Variants in CEBPZ observed in about 807,000 individuals in gnomAD.
CEBPZ encodes the protein CCAAT/enhancer-binding protein zeta.
A neutral mutation model predicts 104.5 loss-of-function variants in CEBPZ; 78 were observed. That is an observed-to-expected ratio of 0.75 (90% CI 0.62 to 0.90). The LOEUF (loss-of-function observed/expected upper bound fraction) is 0.90. CEBPZ is among the 40% of genes least tolerant of loss of function. CEBPZ has a pLI of 0.00. For synonymous variants in CEBPZ, 470 were observed against 427.0 expected (o/e 1.10, Z -1.24); for missense variants, 1,439 against 1,233.5 (o/e 1.17, Z -2.50).
intron 2 of CEBPZ, among the ~76,000 whole-genome samples, chr2:37,226,986 C>T (rs1483295233): frequency 6.6e-6 from 1 of 152,182 alleles, no homozygotes; most frequent in African/African-American, 2.4e-5. Context: ...CACCGCTCCC[C>T]TCTCTGCCAC....
intron 2 of CEBPZ, among the ~76,000 whole-genome samples, chr2:37,226,302 T>A (rs565336925): frequency 6.6e-6 from 1 of 152,354 alleles, no homozygotes; most frequent in South Asian, 2.1e-4. Context: ...ACTGGAGAGC[T>A]GTTAAGAGGA....
intron 15 of CEBPZ, 167 bp from the exon 16 acceptor site, chr2:37,202,070 T>C (rs949649840): frequency 3.5e-5 from 16 of 457,922 alleles, no homozygotes; most frequent in African/African-American, 3.0e-4. Flanking sequence ...TCATATTTAT[T>C]GTCAAAGATA....
chr2:37,212,154 A>G lies in CEBPZ; in HGVS notation c.2604-115T>C, dbSNP rs367558037. The G allele has an allele frequency of 3.5e-5, 36 of 1,032,108 alleles. No homozygotes were observed. In the East Asian group the frequency reaches 7.8e-4, roughly 22 times the overall value. The allele number at this position is 1,032,108 out of a possible 1,614,324, so 63.9% of individuals were successfully genotyped here. ...GACTCAGAAGGAGAAAGCTTTGCAG[A>G]CTGCTCAGAGTAAATAATAACGTGC... On this transcript the variant is annotated intron_variant, in intron 11 of 15. Coordinates refer to ENST00000234170, the MANE Select transcript of CEBPZ (RefSeq NM_005760.3).
intron 10 of CEBPZ, 186 bp from the exon 11 acceptor site, chr2:37,212,578 T>C (rs1051155624): frequency 1.3e-5 from 7 of 545,582 alleles, no homozygotes; most frequent in Non-Finnish European, 2.2e-5. Context: ...ATACTGATCT[T>C]AGTTAAATCC....
intron 1 of CEBPZ, among the ~76,000 whole-genome samples, chr2:37,229,272 T>G (rs1388269254): frequency 6.6e-6 from 1 of 152,146 alleles, no homozygotes; most frequent in East Asian, 1.9e-4. Flanking sequence ...GAAAAAAATA[T>G]AAATTATAAA....
At chr2:37,230,746 AT>A (rs1285912210) in intron 1 of CEBPZ, among the ~76,000 whole-genome samples, 2 of 152,024 alleles carry the variant, frequency 1.3e-5, no homozygotes, top group Non-Finnish European at 2.9e-5. Context: ...TGCTCATGGA[AT>A]AGGTTAGGCA....
At chr2:37,211,760 T>TA in intron 12 of CEBPZ, 83 bp downstream of exon 12, 4 of 1,038,278 alleles carry the variant, frequency 3.9e-6, no homozygotes, top group Non-Finnish European at 5.5e-6. Context: ...AGGGCTATAT[T>TA]AAAAACCTTT....
intron 5 of CEBPZ, among the ~76,000 whole-genome samples, chr2:37,217,834 G>A (rs1250187676): frequency 6.6e-6 from 1 of 150,444 alleles, no homozygotes; most frequent in African/African-American, 2.4e-5. Context: ...CCTGGGAGGC[G>A]GAACTTGGAG....
At chr2:37,211,578 C>A (rs1332182955) in intron 12 of CEBPZ, 1 of 362,736 alleles carries the variant, frequency 2.8e-6, no homozygotes, top group Non-Finnish European at 4.9e-6. Flanking sequence ...AGCATTTCAG[C>A]TCAACATGTA....
At chr2:37,212,877 A>AC (rs1558471423) in intron 10 of CEBPZ, among the ~76,000 whole-genome samples, 1 of 150,802 alleles carries the variant, frequency 6.6e-6, no homozygotes, top group Non-Finnish European at 1.5e-5. Flanking sequence ...CAAAAAAAAA[A>AC]ACAAAAAAAA....
chr2:37,231,409 T>G lies in CEBPZ; in HGVS notation c.156+3A>C. The G allele has an allele frequency of 6.2e-7, 1 of 1,613,812 alleles. No individual in the cohort carries two copies. The highest frequency in any genetic ancestry group is 8.5e-7 in the Non-Finnish European group (1 of 1,179,942). ...CCCGTTCCCCGGAGCCCGCGGCCGT[T>G]ACCTTGGTGCCTCCGAGCCGTAACA... On this transcript the variant is annotated splice_donor_region_variant and intron_variant, in intron 1 of 15. Transcript: ENST00000234170.
intron 5 of CEBPZ, 36 bp from the exon 6 acceptor site, chr2:37,217,073 A>T: frequency 6.5e-7 from 1 of 1,534,982 alleles, no homozygotes; most frequent in Non-Finnish European, 9.0e-7. Context: ...CAATATTTCT[A>T]AGGTCGACTC....
intron 12 of CEBPZ, 181 bp downstream of exon 12, chr2:37,211,662 T>C (rs1180780102): frequency 3.8e-6 from 2 of 526,680 alleles, no homozygotes; most frequent in Non-Finnish European, 6.5e-6. Flanking sequence ...AAAACACACA[T>C]AACACACAAT....
At position 37,221,241 on chromosome 2, in the gene CEBPZ, A is replaced by T. The variant is rs1376913055; in HGVS notation, c.2066-768T>A. ...TGAGGTGGGAGGATCGCTTGAGTTC[A>T]GGAGTTTGAGGCTGCAGTGAGCCAT... is the stretch of plus-strand genomic sequence containing the variant. On this transcript the variant is annotated intron_variant, in intron 4 of 15. Transcript: ENST00000234170. Among the ~76,000 whole-genome samples, 3 of 151,926 alleles carry T rather than the reference A, an allele frequency of 2.0e-5. No homozygotes were observed. The East Asian group carries it at 5.8e-4, about 30-fold the overall frequency.
At chr2:37,206,368 C>CT (rs958656458) in intron 13 of CEBPZ, among the ~76,000 whole-genome samples, 8 of 152,278 alleles carry the variant, frequency 5.3e-5, no homozygotes, top group African/African-American at 1.9e-4. Context: ...TTTTTTGTTT[C>CT]TTTTTTTGAG....
intron 13 of CEBPZ, among the ~76,000 whole-genome samples, chr2:37,205,215 G>T (rs1447098310): frequency 1.3e-5 from 2 of 151,986 alleles, no homozygotes; most frequent in African/African-American, 2.4e-5. Context: ...ATATGTAAAT[G>T]AAACTTTTTG....
intron 1 of CEBPZ, among the ~76,000 whole-genome samples, chr2:37,229,614 A>G (rs754637802): frequency 6.6e-6 from 1 of 152,200 alleles, no homozygotes; most frequent in African/African-American, 2.4e-5. Flanking sequence ...GTGAGTGTAA[A>G]CTGACACAAC....
rs764198413 is a variant in CEBPZ at position 37,211,809 on chromosome 2, AC to A, written c.2800+33del. The A allele has an allele frequency of 1.2e-5, 18 of 1,479,174 alleles. No individual in the cohort carries two copies. In the African/African-American group the frequency reaches 2.4e-4, roughly 20 times the overall value. The allele number at this position is 1,479,174 out of a possible 1,614,324, so 91.6% of individuals were successfully genotyped here. Reference sequence around the variant, plus strand: ...ACTTAAGGCTAAGGAAGTGAGGAAGACACAGTTTATGTCTTATTTTAAAAAA... The same window carrying A: ...ACTTAAGGCTAAGGAAGTGAGGAAGAACAGTTTATGTCTTATTTTAAAAAA... On this transcript the variant is annotated intron_variant, in intron 12 of 15. Transcript: ENST00000234170.
chr2:37,205,776 T>C (rs1035039966), intron 13 of CEBPZ, among the ~76,000 whole-genome samples: 1 of 152,244 alleles, frequency 6.6e-6, no homozygotes, highest in South Asian at 2.1e-4. Context: ...ATCTTAAGAC[T>C]GTCACCTGAT....
Sources: allele counts gnomAD v4.1 joint callset (sites outside exome capture counted in the v4.1 genomes callset), GRCh38; gene constraint gnomAD v4.1.1; transcripts MANE v1.5; gene names NCBI Gene and HGNC (gene_info 2026-07-23, HGNC 2026-07-21).